Variants in ACE observed in about 807,000 individuals in gnomAD.
The protein encoded by ACE is angiotensin I converting enzyme.
ACE carries 122 observed loss-of-function variants against 162.3 expected under a neutral mutation model. The observed-to-expected ratio is 0.75, with a 90% CI of 0.65 to 0.87. ACE has a LOEUF of 0.87. Among genes scored for constraint, ACE ranks in the 40% least tolerant of loss-of-function variants. ACE has a pLI of 0.00. For missense variants in ACE, 1,799 were observed against 1,735.1 expected (o/e 1.04, Z -0.65); for synonymous variants, 796 against 720.6 (o/e 1.10, Z -1.68).
rs868551651 is a variant in ACE, at chr17:63,482,770, C to T, written c.1342+81C>T. Reference sequence around the variant, plus strand: ...ACAGCAGGACCTCACTTGCCCCACTCAGCTCTGCCCTTCTTTCTGCCTCCC... The same window carrying T: ...ACAGCAGGACCTCACTTGCCCCACTTAGCTCTGCCCTTCTTTCTGCCTCCC... On this transcript the variant is annotated intron_variant, in intron 8 of 24. Transcript: ENST00000290866. The T allele has an allele frequency of 4.2e-6, 6 of 1,438,940 alleles. No homozygotes were observed. The Middle Eastern group carries it at 1.1e-3, about 255-fold the overall frequency. 89.1% of individuals were successfully genotyped at this position (1,438,940 alleles called of 1,614,324 possible). A position where few individuals can be genotyped will look rare whatever the true frequency, so the allele number is the denominator to read the frequency against.
chr17:63,496,747 A>G (rs1282360385), intron 23 of ACE, 51 bp from the exon 24 acceptor site: 1 of 1,606,068 alleles, frequency 6.2e-7, no homozygotes, highest in South Asian at 1.1e-5. Context: ...AGGTGGGGGC[A>G]AGAGGGGCCA....
In ACE at chr17:63,486,489, G is replaced by C. The variant is rs2029945978; in HGVS notation, c.2059-68G>C. The C allele has an allele frequency of 1.3e-5, 20 of 1,582,204 alleles. No individual in the cohort carries two copies. In the South Asian group the frequency reaches 2.2e-4, roughly 18 times the overall value. ...CACCTCCAGCCCTCAGCTCCCACTT[G>C]GGGCCTCCCGCTCAGAGGCTGCTCT... is the stretch of plus-strand genomic sequence containing the variant. On this transcript the variant is annotated intron_variant, in intron 13 of 24. Transcript: ENST00000290866.
At chr17:63,494,244 C>A in intron 21 of ACE, 128 bp from the exon 22 acceptor site, 1 of 1,257,600 alleles carries the variant, frequency 8.0e-7, no homozygotes, top group Non-Finnish European at 1.1e-6. Context: ...TGCACAGAGG[C>A]CCAGCACGCA....
chr17:63,493,431 C>T lies in ACE; in HGVS notation c.2913-5C>T, dbSNP rs1422557015. 5 of 1,613,808 alleles carry T rather than the reference C, an allele frequency of 3.1e-6. No homozygotes were observed. The highest frequency in any genetic ancestry group is 2.2e-5 in the East Asian group (1 of 44,890). On this transcript the variant is annotated splice_polypyrimidine_tract_variant and splice_region_variant and intron_variant, in intron 19 of 24. Coordinates refer to ENST00000290866, the MANE Select transcript of ACE (RefSeq NM_000789.4). ...ACACCCTCTCCCCCACTCCACTATTCCTAGGATCAAGCAGTGCACCACCGT... is the reference window on the plus strand; with the variant it reads ...ACACCCTCTCCCCCACTCCACTATTTCTAGGATCAAGCAGTGCACCACCGT...
Position 63,477,078 on chromosome 17 carries a change from G to C in ACE, c.-17G>C. On this transcript the variant is annotated 5_prime_UTR_variant, in exon 1 of 25. Coordinates refer to ENST00000290866, the MANE Select transcript of ACE (RefSeq NM_000789.4). ...GGCGCAGGAGAAGGGGCAGAGCCGA[G>C]CACCGCGCACCGCGTCATGGGGGCC... The C allele has an allele frequency of 7.7e-7, 1 of 1,297,426 alleles. No individual in the cohort carries two copies. Among genetic ancestry groups the C allele is most frequent in the Non-Finnish European group, 9.7e-7 (1 of 1,030,024 alleles). The allele number at this position is 1,297,426 out of a possible 1,614,324, so 80.4% of individuals were successfully genotyped here. A position where few individuals can be genotyped will look rare whatever the true frequency, so the allele number is the denominator to read the frequency against.
In ACE at chr17:63,491,475, C is replaced by A; in HGVS notation, c.2912+94C>A. On this transcript the variant is annotated intron_variant, in intron 19 of 24. Transcript: ENST00000290866. The surrounding 1 kb of genome is among the most constrained non-coding windows in gnomAD (Gnocchi z 4.4). The stretch of plus-strand genomic sequence containing the variant: ...GTCCACTACTGTCCCCCAGCTGGAG[C>A]CAGCAGGGCAGGATGGGGACAGGGC... The A allele has an allele frequency of 1.3e-6, 2 of 1,534,386 alleles. No individual in the cohort carries two copies. Among genetic ancestry groups the A allele is most frequent in the East Asian group, 2.3e-5 (1 of 44,426 alleles).
At position 63,477,308 on chromosome 17, in the gene ACE, G is replaced by T. The variant is rs752559637; in HGVS notation, c.214G>T (p.Asp72Tyr). 1.1e-5 allele frequency: 15 copies of T among 1,420,388 alleles called. No homozygotes were observed. Among genetic ancestry groups the T allele is most frequent in the East Asian group, 3.1e-5 (1 of 32,490 alleles). 88.0% of individuals were successfully genotyped at this position (1,420,388 alleles called of 1,614,324 possible). ...FQSVAASWAH[D>Y]TNITAENARR... ...GAGCGTGGCCGCCAGCTGGGCGCACGACACCAACATCACCGCGGAGAATGC... is the reference window on the plus strand; with the variant it reads ...GAGCGTGGCCGCCAGCTGGGCGCACTACACCAACATCACCGCGGAGAATGC... The change falls in exon 1 of 25, where the codon GAC becomes TAC. Residue 72 changes from aspartate (D) to tyrosine (Y), a missense_variant. Transcript: ENST00000290866.
rs185351612 is a variant in ACE, at chr17:63,486,863, A to G, written c.2218-123A>G. On this transcript the variant is annotated intron_variant, in intron 14 of 24. Transcript: ENST00000290866. The stretch of plus-strand genomic sequence containing the variant: ...CGATGTGCACCTCAGAACTGCTGAG[A>G]GGGCAGCGCTCCCCAGCTCCCTGGC... 489 of 1,450,700 alleles carry G rather than the reference A, an allele frequency of 3.4e-4. 1 individual carries two copies. In the East Asian group the frequency reaches 9.5e-3, roughly 28 times the overall value. 89.9% of individuals were successfully genotyped at this position (1,450,700 alleles called of 1,614,324 possible).
In ACE at chr17:63,497,384, G is replaced by T; in HGVS notation, c.*18G>T. ...ACTCCTGAGGTGACCCGGCTGGGTCGGCCCTGCCCAAGGGCCTCCCACCAG... is the reference window on the plus strand; with the variant it reads ...ACTCCTGAGGTGACCCGGCTGGGTCTGCCCTGCCCAAGGGCCTCCCACCAG... On this transcript the variant is annotated 3_prime_UTR_variant, in exon 25 of 25. Transcript: ENST00000290866. The T allele has an allele frequency of 6.5e-7, 1 of 1,544,290 alleles. No homozygotes were observed. Among genetic ancestry groups the T allele is most frequent in the Non-Finnish European group, 8.7e-7 (1 of 1,144,222 alleles).
Position 63,490,952 on chromosome 17 carries a change from A to G in ACE, c.2642-2A>G, listed in dbSNP as rs2030328661. On this transcript the variant is annotated splice_acceptor_variant, in intron 17 of 24. Coordinates refer to ENST00000290866, the MANE Select transcript of ACE (RefSeq NM_000789.4). LOFTEE classifies it high-confidence loss of function. ...TCTGCCGTCCCCCACACTCGCCTCCAGGGAACATGTGGGCGCAGACCTGGT... is the reference window on the plus strand; with the variant it reads ...TCTGCCGTCCCCCACACTCGCCTCCGGGGAACATGTGGGCGCAGACCTGGT... 6.2e-7 allele frequency: 1 copy of G among 1,614,038 alleles called. No individual in the cohort carries two copies.
At chr17:63,479,964 T>C (rs897792537) in intron 4 of ACE, 52 bp downstream of exon 4, 1 of 1,568,290 alleles carries the variant, frequency 6.4e-7, no homozygotes, top group Non-Finnish European at 8.6e-7. Context: ...CTCTCTCAGC[T>C]GTCTCCCCAG....
intron 4 of ACE, 56 bp from the exon 5 acceptor site, chr17:63,480,281 G>GA (rs1256740696): frequency 1.5e-5 from 24 of 1,586,776 alleles, no homozygotes; most frequent in Non-Finnish European, 2.1e-5. Context: ...TTACAGCTGA[G>GA]AGGCTGAGGT....
chr17:63,479,074 C>T lies in ACE; in HGVS notation c.485C>T (p.Thr162Ile), dbSNP rs1459787773. 2.0e-5 allele frequency: 32 copies of T among 1,613,376 alleles called. No homozygotes were observed. Among genetic ancestry groups the T allele is most frequent in the Non-Finnish European group, 2.6e-5 (31 of 1,179,856 alleles). Residue 162 changes from threonine (T) to isoleucine (I), a missense_variant, in exon 3 of 25, where the codon ACT becomes ATT. Thr to Ile is a moderately conservative substitution (Grantham distance 89, BLOSUM62 -1). Coordinates refer to ENST00000290866, the MANE Select transcript of ACE (RefSeq NM_000789.4). ...STAKVCLPNK[T>I]ATCWSLDPDL... is the part of the protein sequence containing the mutation. ...GCCAAGGTCTGCCTCCCCAACAAGA[C>T]TGCCACCTGCTGGTCCCTGGACCCA...
At position 63,497,815 on chromosome 17, in the gene ACE, C is replaced by T. The variant is rs531243668; in HGVS notation, c.*449C>T. 8.3e-5 allele frequency: 29 copies of T among 347,800 alleles called. No individual in the cohort carries two copies. The East Asian group carries it at 2.0e-3, about 24-fold the overall frequency. The allele number at this position is 347,800 out of a possible 1,614,324, so 21.5% of individuals were successfully genotyped here. On this transcript the variant is annotated 3_prime_UTR_variant, in exon 25 of 25. Coordinates refer to ENST00000290866, the MANE Select transcript of ACE (RefSeq NM_000789.4). ...TCCCTCCAGCCCAGGCAGCCCGCCACTGTCCTGCCACCGCAGGCAGCCCCT... is the reference window on the plus strand; with the variant it reads ...TCCCTCCAGCCCAGGCAGCCCGCCATTGTCCTGCCACCGCAGGCAGCCCCT...
chr17:63,487,105 C>T (rs376058881), intron 15 of ACE, 32 bp downstream of exon 15: 15 of 1,599,046 alleles, frequency 9.4e-6, no homozygotes, highest in East Asian at 6.7e-5. Context: ...GAGTGAGAGG[C>T]GAGGGCTGGG....
At chr17:63,487,257 C>T (rs2030017796) in intron 15 of ACE, among the ~76,000 whole-genome samples, 184 bp downstream of exon 15, 1 of 152,136 alleles carries the variant, frequency 6.6e-6, no homozygotes, top group Non-Finnish European at 1.5e-5. Context: ...GCACCTACTT[C>T]ATACCATGCC....
Position 63,484,590 on chromosome 17 carries a change from CTG to C in ACE, c.1921+50_1921+51del, listed in dbSNP as rs1317797794. 2 of 1,561,190 alleles carry C rather than the reference CTG, an allele frequency of 1.3e-6. No homozygotes were observed. Among genetic ancestry groups the C allele is most frequent in the Non-Finnish European group, 1.7e-6 (2 of 1,152,316 alleles). ...GTGGGGCTAAGGTGGGTCCTCAACT[CTG>C]GGCTTGGCCCAGGCCCCAGGTTCCT... On this transcript the variant is annotated intron_variant, in intron 12 of 24. Transcript: ENST00000290866. The surrounding 1 kb of genome is among the most constrained non-coding windows in gnomAD (Gnocchi z 4.0).
chr17:63,492,512 A>G (rs1275528262), intron 19 of ACE, among the ~76,000 whole-genome samples: 1 of 152,166 alleles, frequency 6.6e-6, no homozygotes, highest in Non-Finnish European at 1.5e-5. Context: ...CTGAGAGGAG[A>G]CAGGATCTGG....
At chr17:63,487,904 G>A (rs2030074702) in intron 15 of ACE, among the ~76,000 whole-genome samples, 2 of 152,204 alleles carry the variant, frequency 1.3e-5, no homozygotes, top group Non-Finnish European at 2.9e-5. Context: ...ACAGGGTTTG[G>A]CCTACAAGTT....
Sources: allele counts gnomAD v4.1 joint callset (sites outside exome capture counted in the v4.1 genomes callset), GRCh38; gene constraint gnomAD v4.1.1; non-coding constraint Gnocchi (gnomAD v3.1); transcripts MANE v1.5; gene names NCBI Gene and HGNC (gene_info 2026-07-23, HGNC 2026-07-21).